ZNF536: variants seen among roughly 807,000 people sequenced by gnomAD.
ZNF536 encodes the protein zinc finger protein 536.
Under a neutral mutation model 84.5 loss-of-function variants are expected in ZNF536, and 13 were observed. The observed-to-expected ratio is 0.15, with a 90% CI of 0.10 to 0.24. The LOEUF (loss-of-function observed/expected upper bound fraction) is 0.24. Ranked by LOEUF, ZNF536 falls within the 10% of genes least tolerant of loss-of-function variation. The probability of loss-of-function intolerance (pLI) is 1.00; values close to 1 mark genes in which losing one functional copy is unlikely to be tolerated. For missense variants in ZNF536, 1,536 were observed against 1,747.5 expected (o/e 0.88, Z 2.16); for synonymous variants, 811 against 742.5 (o/e 1.09, Z -1.50).
intron 2 of ZNF536, among the ~76,000 whole-genome samples, chr19:30,305,960 G>T (rs1377563640): frequency 6.6e-6 from 1 of 152,142 alleles, no homozygotes; most frequent in Non-Finnish European, 1.5e-5. Flanking sequence ...TCTGACAGAG[G>T]GTCACATCGG....
At chr19:30,262,959 G>T (rs2025305434) in intron 1 of ZNF536, among the ~76,000 whole-genome samples, 1 of 152,226 alleles carries the variant, frequency 6.6e-6, no homozygotes, top group South Asian at 2.1e-4. Flanking sequence ...TAAGGCAGGG[G>T]TGCTAGAGCA....
chr19:30,596,888 G>A (rs995322105), intron 1 of ZNF536, among the ~76,000 whole-genome samples: 1 of 151,844 alleles, frequency 6.6e-6, no homozygotes, highest in Non-Finnish European at 1.5e-5. Context: ...CCTGCGAAAG[G>A]AGGCTCTCTT....
At chr19:30,699,642 G>C (rs1336759771) in intron 1 of ZNF536, among the ~76,000 whole-genome samples, 1 of 152,174 alleles carries the variant, frequency 6.6e-6, no homozygotes, top group East Asian at 1.9e-4. Flanking sequence ...TGAGAAAACG[G>C]CTCTCTCTGT....
chr19:30,629,355 G>T (rs973435302), intron 1 of ZNF536, among the ~76,000 whole-genome samples: 2 of 151,954 alleles, frequency 1.3e-5, no homozygotes, highest in Non-Finnish European at 2.9e-5. Context: ...AGGTATCACC[G>T]TGCCTTTCCA....
chr19:30,246,032 A>C (rs938943224), intron 1 of ZNF536, among the ~76,000 whole-genome samples: 1 of 152,194 alleles, frequency 6.6e-6, no homozygotes, highest in Non-Finnish European at 1.5e-5. Context: ...CCCTGGGCAG[A>C]GGCGTCGTGG....
upstream of ZNF536, among the ~76,000 whole-genome samples, chr19:30,227,760 CGCT>C (rs879578607): frequency 3.1e-3 from 465 of 152,042 alleles, 1 homozygote; most frequent in Non-Finnish European, 5.3e-3. Context: ...CCGCCGCCGC[CGCT>C]GTGCAATTTA....
At chr19:30,277,713 G>T (rs924412552) in intron 1 of ZNF536, among the ~76,000 whole-genome samples, 1 of 152,230 alleles carries the variant, frequency 6.6e-6, no homozygotes, top group Non-Finnish European at 1.5e-5. Flanking sequence ...GTGTGCGGAG[G>T]CCTGATGGCA....
intron 1 of ZNF536, chr19:30,283,961 AGG>A: frequency 6.6e-6 from 1 of 152,200 alleles, no homozygotes; most frequent in Non-Finnish European, 1.5e-5. Context: ...CAAGTTTTTT[AGG>A]CTCTCAACTA....
At chr19:30,232,358 G>T (rs1305383199) in intron 1 of ZNF536, among the ~76,000 whole-genome samples, 1 of 152,158 alleles carries the variant, frequency 6.6e-6, no homozygotes, top group Non-Finnish European at 1.5e-5. Flanking sequence ...TGATGCTGAG[G>T]TCTGGGGTAC....
chr19:30,440,252 T>G (rs1045651552), intron 1 of ZNF536, among the ~76,000 whole-genome samples: 48 of 152,136 alleles, frequency 3.2e-4, no homozygotes, highest in African/African-American at 1.2e-3. Flanking sequence ...TAAGCCACCA[T>G]GGCCGGCCAG....
chr19:30,299,239 C>T (rs944493324), intron 2 of ZNF536, among the ~76,000 whole-genome samples: 1 of 152,174 alleles, frequency 6.6e-6, no homozygotes, highest in Non-Finnish European at 1.5e-5. Context: ...TAAATGGCAA[C>T]AGCTCATTTA....
chr19:30,597,199 GTC>G (rs1162530793), intron 1 of ZNF536, among the ~76,000 whole-genome samples: 1 of 152,216 alleles, frequency 6.6e-6, no homozygotes, highest in Non-Finnish European at 1.5e-5. Context: ...CTGTGGGATG[GTC>G]CCCCTAGGAC....
rs1825020379 is a variant in ZNF536 at position 30,599,278 on chromosome 19, CT to C, written c.169+49765del. 2.6e-5 allele frequency among the ~76,000 whole-genome samples: 3 copies of C among 116,838 alleles called. 1 individual carries two copies. The highest frequency in any genetic ancestry group is 1.8e-4 in the Admixed American group (2 of 10,952). The allele number at this position is 116,838 out of a possible 152,430, so 76.7% of individuals were successfully genotyped here. Reference sequence around the variant, plus strand: ...TTTCCTCCCTTTCCCCCATCCTTGTCTCTCTCCTTTCCTACCTCCCTTCATT... The same window carrying C: ...TTTCCTCCCTTTCCCCCATCCTTGTCCTCTCCTTTCCTACCTCCCTTCATT... On this transcript the variant is annotated intron_variant, in intron 1 of 1. Coordinates refer to the ZNF536 transcript ENST00000592773.
At chr19:30,594,600 C>T (rs957443971) in intron 1 of ZNF536, among the ~76,000 whole-genome samples, 14 of 152,136 alleles carry the variant, frequency 9.2e-5, no homozygotes, top group African/African-American at 3.1e-4. Flanking sequence ...GATCATTAGG[C>T]GCTCGTCTGC....
intron 2 of ZNF536, among the ~76,000 whole-genome samples, chr19:30,449,478 T>C (rs930075163): frequency 6.6e-6 from 1 of 152,206 alleles, no homozygotes; most frequent in Non-Finnish European, 1.5e-5. Context: ...AGATTTTGCT[T>C]TGGAAATCAC....
At chr19:30,316,714 T>C (rs1445396581) in intron 2 of ZNF536, among the ~76,000 whole-genome samples, 1 of 152,154 alleles carries the variant, frequency 6.6e-6, no homozygotes, top group Non-Finnish European at 1.5e-5. Flanking sequence ...ATTCCATGGG[T>C]GCCATTCCAG....
At chr19:30,423,477 A>G (rs1473311691) in intron 1 of ZNF536, among the ~76,000 whole-genome samples, 2 of 152,240 alleles carry the variant, frequency 1.3e-5, no homozygotes, top group Non-Finnish European at 2.9e-5. Flanking sequence ...GAAATGGAAC[A>G]AGTGGCTATT....
At chr19:30,292,338 TTTC>T (rs1335613524) in intron 2 of ZNF536, among the ~76,000 whole-genome samples, 15 of 152,058 alleles carry the variant, frequency 9.9e-5, no homozygotes, top group Non-Finnish European at 1.2e-4. Context: ...TTTTTCTCTT[TTTC>T]TTCTTTTTTT....
At chr19:30,655,334 T>A (rs2049869572) in intron 1 of ZNF536, among the ~76,000 whole-genome samples, 1 of 152,330 alleles carries the variant, frequency 6.6e-6, no homozygotes, top group South Asian at 2.1e-4. Flanking sequence ...TGTTTTTGAA[T>A]GTGAATAAAA....
Sources: gnomAD v4.1 joint callset for allele counts (sites outside exome capture counted in the v4.1 genomes callset) on GRCh38, gnomAD v4.1.1 for gene constraint, MANE v1.5 for transcripts, NCBI Gene and HGNC (gene_info 2026-07-23, HGNC 2026-07-21) for gene names.